The following KIAA1217 variants were observed in gnomAD, a reference collection of about 807,000 sequenced individuals.
KIAA1217 encodes the protein sickle tail protein homolog.
In KIAA1217, 88 loss-of-function variants were observed where a neutral mutation model predicts 163.9. That is an observed-to-expected ratio of 0.54 (90% CI 0.45 to 0.64). The LOEUF (loss-of-function observed/expected upper bound fraction) is 0.64, where lower values mean the gene tolerates loss of function less well. Ranked by LOEUF, KIAA1217 falls within the 30% of genes least tolerant of loss-of-function variation. The pLI, the probability that KIAA1217 is intolerant of heterozygous loss-of-function variation, is 0.00. For synonymous variants in KIAA1217, 903 were observed against 923.1 expected, an observed-to-expected ratio of 0.98 and a Z score of 0.39; for missense variants, 2,372 against 2,475.0, an observed-to-expected ratio of 0.96 and a Z score of 0.88.
At chr10:23,959,183 G>A (rs1253220699) in intron 1 of KIAA1217, among the ~76,000 whole-genome samples, 2 of 152,038 alleles carry the variant, frequency 1.3e-5, no homozygotes, top group East Asian at 3.9e-4. Context: ...CAGTGTAGGG[G>A]AGGAAAAGAT....
At chr10:24,308,204 G>A (rs955872921) in intron 2 of KIAA1217, among the ~76,000 whole-genome samples, 4 of 152,160 alleles carry the variant, frequency 2.6e-5, no homozygotes, top group East Asian at 1.9e-4. Flanking sequence ...TTCCTTAGCT[G>A]TGTCCCTTTT....
At chr10:24,397,883 C>T (rs1041976147) in intron 3 of KIAA1217, among the ~76,000 whole-genome samples, 7 of 152,148 alleles carry the variant, frequency 4.6e-5, no homozygotes, top group Non-Finnish European at 1.0e-4. Context: ...TGAGTGTACC[C>T]GGAAGCAGCC....
intron 1 of KIAA1217, among the ~76,000 whole-genome samples, chr10:23,918,018 A>T (rs1347116078): frequency 6.7e-6 from 1 of 149,916 alleles, no homozygotes; most frequent in Non-Finnish European, 1.5e-5. Flanking sequence ...TTATCCCACA[A>T]TTTTTTTTTT....
chr10:23,959,938 CAG>C (rs1341807260), intron 1 of KIAA1217, among the ~76,000 whole-genome samples: 1 of 120,522 alleles, frequency 8.3e-6, no homozygotes, highest in African/African-American at 3.3e-5. Context: ...TTTTTTGAGA[CAG>C]AGTCTCCCTC....
chr10:24,049,791 A>G (rs977814649), intron 2 of KIAA1217, among the ~76,000 whole-genome samples: 1 of 152,226 alleles, frequency 6.6e-6, no homozygotes, highest in African/African-American at 2.4e-5. Context: ...TCTTTATAGT[A>G]GAATGATTTA....
At chr10:24,214,358 C>T (rs1388449453) in intron 1 of KIAA1217, among the ~76,000 whole-genome samples, 1 of 152,106 alleles carries the variant, frequency 6.6e-6, no homozygotes, top group East Asian at 1.9e-4. Flanking sequence ...AGGTGGATTT[C>T]CTGGGTGGCC....
At position 24,264,399 on chromosome 10, in the gene KIAA1217, G is replaced by A. The variant is rs548761493; in HGVS notation, c.354+44490G>A. 2.0e-4 allele frequency among the ~76,000 whole-genome samples: 30 copies of A among 152,156 alleles called. No individual in the cohort carries two copies. The South Asian group carries it at 6.2e-3, about 32-fold the overall frequency. ...CAAAATGGAAATTTGGGAAGGGGAT[G>A]GACAAGATGAGACAAAGCAGACAGA... On this transcript the variant is annotated intron_variant, in intron 2 of 20. Transcript: ENST00000376454.
At chr10:23,857,398 T>C (rs1245109775) in intron 1 of KIAA1217, among the ~76,000 whole-genome samples, 1 of 152,102 alleles carries the variant, frequency 6.6e-6, no homozygotes, top group Non-Finnish European at 1.5e-5. Flanking sequence ...TAGGAAGGAA[T>C]GAGAATAAAA....
chr10:24,363,739 T>G (rs2050354668), intron 2 of KIAA1217, among the ~76,000 whole-genome samples: 1 of 151,920 alleles, frequency 6.6e-6, no homozygotes, highest in Non-Finnish European at 1.5e-5. Flanking sequence ...GCCCAGCTAA[T>G]TTTTGTATTT....
At chr10:23,762,799 T>C (rs943320975) in intron 1 of KIAA1217, among the ~76,000 whole-genome samples, 1 of 152,148 alleles carries the variant, frequency 6.6e-6, no homozygotes, top group Non-Finnish European at 1.5e-5. Flanking sequence ...AATAAGGGCA[T>C]TCAAATAGGA....
chr10:24,102,137 T>C (rs566886926), intron 2 of KIAA1217, among the ~76,000 whole-genome samples: 45 of 152,242 alleles, frequency 3.0e-4, no homozygotes, highest in South Asian at 6.2e-4. Context: ...ATTATCTACA[T>C]AGAAAATCTG....
chr10:24,408,636 A>G (rs1443589035), intron 3 of KIAA1217, among the ~76,000 whole-genome samples: 1 of 152,182 alleles, frequency 6.6e-6, no homozygotes, highest in African/African-American at 2.4e-5. Flanking sequence ...AACCTAGTTT[A>G]TTGGCAACAA....
intron 2 of KIAA1217, among the ~76,000 whole-genome samples, chr10:24,105,103 A>G (rs1370420852): frequency 6.6e-6 from 1 of 152,120 alleles, no homozygotes; most frequent in Non-Finnish European, 1.5e-5. Flanking sequence ...AATACTTAAT[A>G]GTTATGTAAC....
intron 2 of KIAA1217, among the ~76,000 whole-genome samples, chr10:24,137,368 A>G (rs1053267171): frequency 6.6e-6 from 1 of 152,244 alleles, no homozygotes; most frequent in African/African-American, 2.4e-5. Context: ...CCAGTTTTGC[A>G]GCAGGGCATC....
At position 24,546,157 on chromosome 10, in the gene KIAA1217, C is replaced by G. The variant is rs768082615; in HGVS notation, c.5665C>G (p.Pro1889Ala). The change falls in exon 21 of 21, where the codon CCT becomes GCT. Residue 1889 changes from proline to alanine, a missense_variant. By Grantham distance (27) the Pro-to-Ala change is conservative (BLOSUM62 -1). This residue lies in a region of KIAA1217 where 690 missense variants were observed against 677.5 expected (regional missense o/e 1.02). Coordinates refer to ENST00000376454, the MANE Select transcript of KIAA1217 (RefSeq NM_019590.5). ...GCAGAGTCAAAATGGCCGAGCACCC[C>G]CTCCTTTGTCATTTTCCTCCTCCCC... ...SPQSQNGRAP[P>A]PLSFSSSPPS... is the part of the protein sequence containing the mutation. 6.2e-7 allele frequency: 1 copy of G among 1,614,158 alleles called. No individual in the cohort carries two copies. Among genetic ancestry groups the G allele is most frequent in the Non-Finnish European group, 8.5e-7 (1 of 1,180,026 alleles).
At chr10:24,491,040 G>A (rs1427836735) in intron 6 of KIAA1217, among the ~76,000 whole-genome samples, 2 of 152,170 alleles carry the variant, frequency 1.3e-5, no homozygotes, top group Non-Finnish European at 2.9e-5. Context: ...ATAGGATGTT[G>A]TTTGGGAGTT....
intron 2 of KIAA1217, among the ~76,000 whole-genome samples, chr10:24,229,842 G>A (rs1446638820): frequency 6.6e-6 from 1 of 152,012 alleles, no homozygotes; most frequent in Non-Finnish European, 1.5e-5. Flanking sequence ...ACTTTTGGGA[G>A]GAAAGGACAT....
intron 1 of KIAA1217, among the ~76,000 whole-genome samples, chr10:23,900,566 A>G (rs867372256): frequency 6.6e-6 from 1 of 152,146 alleles, no homozygotes; most frequent in Non-Finnish European, 1.5e-5. Context: ...CACAAAAAGT[A>G]TATTATTCAT....
At chr10:24,349,471 A>G (rs1297660098) in intron 2 of KIAA1217, among the ~76,000 whole-genome samples, 2 of 152,350 alleles carry the variant, frequency 1.3e-5, no homozygotes, top group South Asian at 2.1e-4. Context: ...ACAACTCTGC[A>G]TAAGCTACAG....
Sources: gnomAD v4.1 joint callset for allele counts (sites outside exome capture counted in the v4.1 genomes callset) on GRCh38, gnomAD v4.1.1 for gene constraint, gnomAD v4.1.1 regional missense constraint, MANE v1.5 for transcripts, NCBI Gene and HGNC (gene_info 2026-07-23, HGNC 2026-07-21) for gene names.